ALG6: variants seen among roughly 807,000 people sequenced by gnomAD.
ALG6 encodes dolichyl pyrophosphate Man9GlcNAc2 alpha-1,3-glucosyltransferase.
A neutral mutation model predicts 66.6 loss-of-function variants in ALG6; 46 were observed. The ratio of observed to expected loss-of-function variants is 0.69; its 90% confidence interval spans 0.55 to 0.88. ALG6 has a LOEUF of 0.88. ALG6 is among the 40% of genes least tolerant of loss of function. The probability of loss-of-function intolerance (pLI) is 0.00; values close to 1 mark genes in which losing one functional copy is unlikely to be tolerated. For synonymous variants in ALG6, 185 were observed against 203.7 expected (o/e 0.91, Z 0.78); for missense variants, 505 against 586.8 (o/e 0.86, Z 1.44).
In ALG6 at chr1:63,437,411, C is replaced by T. The variant is rs1644690206; in HGVS notation, c.*391C>T. On this transcript the variant is annotated 3_prime_UTR_variant, in exon 15 of 15. Coordinates refer to ENST00000263440, the MANE Select transcript of ALG6 (RefSeq NM_013339.4). ...TTCCTTCATCAGACCATATAGTGAG[C>T]TTCATGGGAGAATTGAGCCCCTTCT... 5.4e-6 allele frequency: 1 copy of T among 184,692 alleles called. No homozygotes were observed. The highest frequency in any genetic ancestry group is 1.1e-4 in the South Asian group (1 of 9,170). 11.4% of individuals were successfully genotyped at this position (184,692 alleles called of 1,614,324 possible).
chr1:63,428,693 A>G, intron 12 of ALG6, 40 bp from the exon 13 acceptor site: 1 of 1,355,834 alleles, frequency 7.4e-7, no homozygotes. Context: ...TTGAAGTTAT[A>G]TTCTGTAATA....
rs1413963071 is a variant in ALG6, at chr1:63,406,370, T to G, written c.400T>G (p.Cys134Gly). 1 of 1,613,238 alleles carries G rather than the reference T, an allele frequency of 6.2e-7. No individual in the cohort carries two copies. Among genetic ancestry groups the G allele is most frequent in the African/African-American group, 1.3e-5 (1 of 74,894 alleles). ...ACCTGCAGTGGTTTTGTACTGTTGT[T>G]GCTTAAAAGAAATCTCAACTAAGAA... ...YIPAVVLYCC[C>G]LKEISTKKKI... Residue 134 changes from cysteine to glycine, a missense_variant, in exon 6 of 15, where the codon TGC (cysteine) becomes GGC (glycine). Cys to Gly is a radical substitution (Grantham distance 159, BLOSUM62 -3). Transcript: ENST00000263440.
At chr1:63,432,596 A>G (rs1431143784) in intron 14 of ALG6, among the ~76,000 whole-genome samples, 1 of 152,242 alleles carries the variant, frequency 6.6e-6, no homozygotes, top group Non-Finnish European at 1.5e-5. Flanking sequence ...TGTAGCATCT[A>G]TCAGTGCCTC....
chr1:63,369,649 C>A (rs936060230), intron 1 of ALG6, among the ~76,000 whole-genome samples: 48 of 150,108 alleles, frequency 3.2e-4, no homozygotes, highest in Non-Finnish European at 6.7e-4. Flanking sequence ...GAAAAAAAAA[C>A]AAATAAAATA....
chr1:63,368,767 C>T (rs974448929), intron 1 of ALG6, among the ~76,000 whole-genome samples: 5 of 152,208 alleles, frequency 3.3e-5, no homozygotes, highest in Non-Finnish European at 7.3e-5. Context: ...TCCCAAAGTG[C>T]TGGGATTACA....
intron 3 of ALG6, among the ~76,000 whole-genome samples, chr1:63,401,584 T>TAA (rs536462989): frequency 2.2e-5 from 3 of 135,492 alleles, no homozygotes; most frequent in Admixed American, 7.2e-5. Context: ...GAGAATCGCT[T>TAA]AAAAAAAAAA....
intron 9 of ALG6, among the ~76,000 whole-genome samples, chr1:63,413,057 A>G (rs1644524382): frequency 1.3e-5 from 2 of 152,194 alleles, no homozygotes. Context: ...CACTATTGTT[A>G]TAACCACCAC....
intron 8 of ALG6, 102 bp from the exon 9 acceptor site, chr1:63,411,824 T>C: frequency 1.4e-6 from 2 of 1,478,440 alleles, no homozygotes; most frequent in Non-Finnish European, 1.9e-6. Context: ...AGATTTGGCA[T>C]TACTATACAT....
intron 11 of ALG6, 147 bp from the exon 12 acceptor site, chr1:63,419,223 C>T (rs1397000722): frequency 1.5e-6 from 1 of 661,094 alleles, no homozygotes; most frequent in East Asian, 2.8e-5. Context: ...AATATGCATA[C>T]TAGTGTTGTT....
chr1:63,393,033 C>T (rs377214863), intron 2 of ALG6, among the ~76,000 whole-genome samples: 6 of 152,252 alleles, frequency 3.9e-5, no homozygotes, highest in Admixed American at 6.5e-5. Context: ...TTCAGAAAAT[C>T]TAGATAGTTG....
At chr1:63,396,882 C>A (rs1204211389) in intron 3 of ALG6, among the ~76,000 whole-genome samples, 1 of 152,118 alleles carries the variant, frequency 6.6e-6, no homozygotes, top group Non-Finnish European at 1.5e-5. Flanking sequence ...ATGGAAGCAC[C>A]ATCATAGGCT....
intron 9 of ALG6, among the ~76,000 whole-genome samples, chr1:63,412,667 T>G (rs1553155883): frequency 6.6e-6 from 1 of 152,158 alleles, no homozygotes; most frequent in Non-Finnish European, 1.5e-5. Flanking sequence ...CATAGTAATT[T>G]TTAATGAGAA....
At chr1:63,427,167 A>ATTTTTTTTTT (rs534868219) in intron 12 of ALG6, among the ~76,000 whole-genome samples, 4 of 134,294 alleles carry the variant, frequency 3.0e-5, no homozygotes, top group Non-Finnish European at 4.8e-5. Flanking sequence ...TGTCCAGCTA[A>ATTTTTTTTTT]TTTTTTTTTT....
chr1:63,374,015 G>C (rs1246194247), intron 2 of ALG6, among the ~76,000 whole-genome samples: 1 of 152,148 alleles, frequency 6.6e-6, no homozygotes, highest in African/African-American at 2.4e-5. Flanking sequence ...TATATTTTGA[G>C]TATGAGTATT....
chr1:63,372,003 C>G (rs1647941780), intron 2 of ALG6, among the ~76,000 whole-genome samples: 1 of 152,136 alleles, frequency 6.6e-6, no homozygotes, highest in African/African-American at 2.4e-5. Flanking sequence ...GGTAAATGAT[C>G]AAGATGCATT....
chr1:63,390,766 C>T (rs1220412726), intron 2 of ALG6, among the ~76,000 whole-genome samples: 30 of 152,194 alleles, frequency 2.0e-4, no homozygotes, highest in Non-Finnish European at 4.4e-5. Flanking sequence ...TTGCTTTCTG[C>T]TGTGACAAGC....
At chr1:63,430,151 G>A (rs941664248) in intron 14 of ALG6, among the ~76,000 whole-genome samples, 4 of 152,138 alleles carry the variant, frequency 2.6e-5, no homozygotes, top group African/African-American at 9.7e-5. Flanking sequence ...AAAGTGCTGG[G>A]ATTACAGGCA....
chr1:63,404,332 T>C, intron 4 of ALG6, 121 bp from the exon 5 acceptor site: 1 of 836,808 alleles, frequency 1.2e-6, no homozygotes, highest in Non-Finnish European at 2.1e-6. Flanking sequence ...GCATTGACTC[T>C]GTTGCTTTAT....
At position 63,387,832 on chromosome 1, in the gene ALG6, G is replaced by A. The variant is rs764045509; in HGVS notation, c.83-8681G>A. The stretch of plus-strand genomic sequence containing the variant: ...ACTGGGATTAGAGGTGTGAGCCACC[G>A]TGCCCAGCTTCTTTGTCTCTTTTTA... On this transcript the variant is annotated intron_variant, in intron 2 of 14. Coordinates refer to ENST00000263440, the MANE Select transcript of ALG6 (RefSeq NM_013339.4). 9.9e-5 allele frequency among the ~76,000 whole-genome samples: 15 copies of A among 152,012 alleles called. 1 individual carries two copies. Among genetic ancestry groups the A allele is most frequent in the African/African-American group, 3.1e-4 (13 of 41,478 alleles).
Sources: allele counts gnomAD v4.1 joint callset (sites outside exome capture counted in the v4.1 genomes callset), GRCh38; gene constraint gnomAD v4.1.1; transcripts MANE v1.5; gene names NCBI Gene and HGNC (gene_info 2026-07-23, HGNC 2026-07-21).